ROR2: variants seen among roughly 807,000 people sequenced by gnomAD.
ROR2 encodes the protein ROR family WNT receptor 2.
A neutral mutation model predicts 74.9 loss-of-function variants in ROR2; 33 were observed. That is an observed-to-expected ratio of 0.44 (90% CI 0.33 to 0.59). ROR2 has a LOEUF of 0.59. Among genes scored for constraint, ROR2 ranks in the 20% least tolerant of loss-of-function variants. The pLI is 0.02. For missense variants in ROR2, 1,216 were observed against 1,313.8 expected (o/e 0.93, Z 1.15); for synonymous variants, 586 against 558.7 (o/e 1.05, Z -0.69).
Position 91,726,559 on chromosome 9 carries a change from G to A in ROR2, c.1368C>T (p.Leu456=). The change falls in exon 8 of 9, where the codon CTC becomes CTT. Residue 456 remains leucine, a synonymous_variant. Coordinates refer to ENST00000375708, the MANE Select transcript of ROR2 (RefSeq NM_004560.4). Reference sequence around the variant, plus strand: ...TGGAGACCTGTTTGTGCTGGTTAATGAGGGGCATTTCCATGTCTTGGCTGG... The same window carrying A: ...TGGAGACCTGTTTGTGCTGGTTAATAAGGGGCATTTCCATGTCTTGGCTGG... ...ASPSQDMEMP[L]INQHKQAKLK... The A allele has an allele frequency of 1.2e-6, 2 of 1,612,654 alleles. No individual in the cohort carries two copies. The highest frequency in any genetic ancestry group is 1.7e-6 in the Non-Finnish European group (2 of 1,180,016).
At chr9:91,837,235 G>C in intron 1 of ROR2, among the ~76,000 whole-genome samples, 1 of 152,124 alleles carries the variant, frequency 6.6e-6, no homozygotes, top group South Asian at 2.1e-4. Flanking sequence ...ACCACGCCCA[G>C]CTAGTTTTTT....
At chr9:91,851,370 AAAG>A (rs1324121162) in intron 1 of ROR2, among the ~76,000 whole-genome samples, 1 of 151,954 alleles carries the variant, frequency 6.6e-6, no homozygotes, top group African/African-American at 2.4e-5. Context: ...AAAAAAAAGA[AAAG>A]AAAAGAAAAA....
At chr9:91,859,457 C>T (rs565983199) in intron 1 of ROR2, among the ~76,000 whole-genome samples, 4 of 152,196 alleles carry the variant, frequency 2.6e-5, no homozygotes, top group South Asian at 2.1e-4. Flanking sequence ...GATCTGAAGG[C>T]GGCAAGGGTA....
intron 1 of ROR2, among the ~76,000 whole-genome samples, chr9:91,832,130 C>A (rs1199200103): frequency 6.6e-6 from 1 of 152,092 alleles, no homozygotes; most frequent in African/African-American, 2.4e-5. Context: ...TCTCATAGAG[C>A]CCAAGGCACT....
intron 4 of ROR2, among the ~76,000 whole-genome samples, chr9:91,747,365 G>A (rs994958783): frequency 6.6e-5 from 10 of 152,190 alleles, no homozygotes; most frequent in East Asian, 1.9e-4. Context: ...ACATCACAGC[G>A]CTCACGCGTG....
chr9:91,856,728 C>T (rs1361039518), intron 1 of ROR2, among the ~76,000 whole-genome samples: 3 of 152,182 alleles, frequency 2.0e-5, no homozygotes, highest in Admixed American at 6.5e-5. Context: ...GGGGTACTTA[C>T]GGCAGACTGA....
intron 1 of ROR2, among the ~76,000 whole-genome samples, chr9:91,862,717 T>C (rs755477495): frequency 3.9e-5 from 6 of 152,142 alleles, no homozygotes; most frequent in Non-Finnish European, 8.8e-5. Flanking sequence ...CCCTCCACCA[T>C]GTGAGGACAC....
intron 1 of ROR2, among the ~76,000 whole-genome samples, chr9:91,889,489 C>T (rs1269116050): frequency 6.6e-6 from 1 of 152,158 alleles, no homozygotes; most frequent in Non-Finnish European, 1.5e-5. Flanking sequence ...TGTTGCCAGG[C>T]GACTCCAGAC....
intron 1 of ROR2, among the ~76,000 whole-genome samples, chr9:91,867,774 T>A (rs1829683348): frequency 6.7e-6 from 1 of 150,060 alleles, no homozygotes; most frequent in Non-Finnish European, 1.5e-5. Flanking sequence ...CTGGCCACAG[T>A]GTGGCACACA....
At chr9:91,786,158 CAAAAAAA>C (rs35972600) in intron 1 of ROR2, among the ~76,000 whole-genome samples, 3 of 56,542 alleles carry the variant, frequency 5.3e-5, no homozygotes, top group South Asian at 1.7e-3. Flanking sequence ...CTGTTTCTAC[CAAAAAAA>C]AAAAAAAAAA....
chr9:91,943,396 T>C (rs192506814), intron 1 of ROR2, among the ~76,000 whole-genome samples: 9 of 151,986 alleles, frequency 5.9e-5, no homozygotes, highest in Non-Finnish European at 8.8e-5. Flanking sequence ...ATACCAAATA[T>C]ATATATAAAT....
intron 1 of ROR2, among the ~76,000 whole-genome samples, chr9:91,894,137 C>A (rs1161168828): frequency 1.3e-5 from 2 of 152,170 alleles, no homozygotes; most frequent in Non-Finnish European, 2.9e-5. Context: ...CGTCACTCTC[C>A]CAGCACCCAC....
At chr9:91,852,822 A>G (rs1303281404) in intron 1 of ROR2, among the ~76,000 whole-genome samples, 5 of 152,226 alleles carry the variant, frequency 3.3e-5, no homozygotes, top group Admixed American at 6.5e-5. Context: ...CCCCTTCTGA[A>G]GACTTCTTTC....
intron 1 of ROR2, among the ~76,000 whole-genome samples, chr9:91,819,737 T>C (rs1828080056): frequency 6.6e-6 from 1 of 152,050 alleles, no homozygotes; most frequent in Non-Finnish European, 1.5e-5. Context: ...TATGTATCTG[T>C]GTGTCATTCA....
chr9:91,829,955 C>T (rs1352472420), intron 1 of ROR2, among the ~76,000 whole-genome samples: 2 of 152,246 alleles, frequency 1.3e-5, no homozygotes, highest in East Asian at 3.8e-4. Context: ...AATTTCTTCA[C>T]AAATCACATA....
At chr9:91,802,177 C>T (rs1009070015) in intron 1 of ROR2, among the ~76,000 whole-genome samples, 1 of 150,790 alleles carries the variant, frequency 6.6e-6, no homozygotes, top group Non-Finnish European at 1.5e-5. Flanking sequence ...AGGTTCACGC[C>T]ATTCTCCTGC....
intron 2 of ROR2, among the ~76,000 whole-genome samples, chr9:91,760,717 A>AT (rs1372569055): frequency 6.6e-6 from 1 of 152,114 alleles, no homozygotes; most frequent in Non-Finnish European, 1.5e-5. Context: ...TCTCTTCTAA[A>AT]TTTTAAAATC....
intron 1 of ROR2, among the ~76,000 whole-genome samples, chr9:91,909,513 ATTTTT>A (rs36122642): frequency 7.3e-6 from 1 of 136,290 alleles, no homozygotes; most frequent in Non-Finnish European, 1.6e-5. Flanking sequence ...CATCCAACTA[ATTTTT>A]TTTTTTTTTT....
intron 1 of ROR2, among the ~76,000 whole-genome samples, chr9:91,934,807 C>A (rs1831641346): frequency 6.6e-6 from 1 of 152,146 alleles, no homozygotes; most frequent in Admixed American, 6.5e-5. Context: ...AAAACATATA[C>A]AACACTTCAC....
Sources: allele counts gnomAD v4.1 joint callset (sites outside exome capture counted in the v4.1 genomes callset), GRCh38; gene constraint gnomAD v4.1.1; transcripts MANE v1.5; gene names NCBI Gene and HGNC (gene_info 2026-07-23, HGNC 2026-07-21).